Variants in PCDHA2 observed in about 807,000 individuals in gnomAD.
The protein encoded by PCDHA2 is protocadherin alpha 2.
In PCDHA2, 58 loss-of-function variants were observed where a neutral mutation model predicts 66.0. The ratio of observed to expected loss-of-function variants is 0.88; its 90% CI spans 0.71 to 1.09. PCDHA2 has a LOEUF of 1.09. Ranked by LOEUF, PCDHA2 falls within the 50% of genes least tolerant of loss-of-function variation. PCDHA2 has a pLI of 0.00. For missense variants in PCDHA2, 1,267 were observed against 1,242.3 expected, an observed-to-expected ratio of 1.02 and a Z score of -0.30; for synonymous variants, 634 against 554.0, an observed-to-expected ratio of 1.14 and a Z score of -2.03.
intron 1 of PCDHA2, among the ~76,000 whole-genome samples, chr5:140,914,442 CT>C (rs782585142): frequency 1.5e-4 from 23 of 152,072 alleles, no homozygotes; most frequent in Non-Finnish European, 2.9e-4. Context: ...TTTCCCATGT[CT>C]TTATTTTCCA....
Position 140,797,121 on chromosome 5 carries a change from T to TG in PCDHA2, c.2158dup (p.Ala720GlyfsTer56), listed in dbSNP as rs1554120298. 3.7e-6 allele frequency: 6 copies of TG among 1,614,020 alleles called. No individual in the cohort carries two copies. Among genetic ancestry groups the TG allele is most frequent in the Non-Finnish European group, 5.1e-6 (6 of 1,179,966 alleles). On this transcript the variant is annotated frameshift_variant, in exon 1 of 4. Transcript: ENST00000526136. LOFTEE classifies it high-confidence loss of function. ...TGGTGCTCACGGTGCTGCTGTACACTGCGCTGCGGTGCTCGGTGCCACCCA... is the reference window on the plus strand; with the variant it reads ...TGGTGCTCACGGTGCTGCTGTACACTGGCGCTGCGGTGCTCGGTGCCACCCA...
At chr5:140,981,128 G>A (rs1340714771) in intron 2 of PCDHA2, among the ~76,000 whole-genome samples, 1 of 152,214 alleles carries the variant, frequency 6.6e-6, no homozygotes, top group Non-Finnish European at 1.5e-5. Flanking sequence ...GTTGTTTGAA[G>A]TCAAAGAGTG....
At chr5:140,878,787 T>C (rs2057727241) in intron 1 of PCDHA2, among the ~76,000 whole-genome samples, 1 of 152,222 alleles carries the variant, frequency 6.6e-6, no homozygotes, top group Admixed American at 6.5e-5. Flanking sequence ...ATATGTTCAA[T>C]CACTTTTTAA....
At chr5:140,899,713 T>G (rs1336302647) in intron 1 of PCDHA2, among the ~76,000 whole-genome samples, 1 of 152,210 alleles carries the variant, frequency 6.6e-6, no homozygotes, top group Non-Finnish European at 1.5e-5. Context: ...TTAGGGAGGA[T>G]TCCCTCTTTT....
intron 1 of PCDHA2, chr5:140,929,115 C>T: frequency 6.2e-7 from 1 of 1,614,136 alleles, no homozygotes. Context: ...CATCAGCCAC[C>T]ATAGATGTCA....
intron 1 of PCDHA2, chr5:140,837,006 G>A (rs1774868844): frequency 3.1e-6 from 1 of 317,894 alleles, no homozygotes; most frequent in African/African-American, 2.2e-5. Context: ...TGGAGCAATG[G>A]ATTCACCTTT....
rs2150297287 is a variant in PCDHA2, at chr5:140,839,391, T to C, written c.2388+42039T>C. Among the ~76,000 whole-genome samples, 80 of 151,830 alleles carry C rather than the reference T, an allele frequency of 5.3e-4. 1 individual carries two copies. The highest frequency in any genetic ancestry group is 1.8e-3 in the African/African-American group (75 of 41,346). On this transcript the variant is annotated intron_variant, in intron 1 of 3. Transcript: ENST00000526136. ...TATTCATCAATTATTATGATGATGATGATGATTATTATTTTTGAGACAGGG... is the reference window on the plus strand; with the variant it reads ...TATTCATCAATTATTATGATGATGACGATGATTATTATTTTTGAGACAGGG...
Position 140,852,809 on chromosome 5 carries a change from C to T in PCDHA2, c.2388+55457C>T, listed in dbSNP as rs1429984533. 2.4e-5 allele frequency: 23 copies of T among 974,514 alleles called. 1 individual carries two copies. The highest frequency in any genetic ancestry group is 6.3e-5 in the Admixed American group (1 of 15,844). 60.4% of individuals were successfully genotyped at this position (974,514 alleles called of 1,614,324 possible). A position where few individuals can be genotyped will look rare whatever the true frequency, so the allele number is the denominator to read the frequency against. On this transcript the variant is annotated intron_variant, in intron 1 of 3. Transcript: ENST00000526136. Reference sequence around the variant, plus strand: ...GGATGCTACAGATGTCATTTGTCTCCCGCCCTAAGTCCTCCAGTCTCCTTA... The same window carrying T: ...GGATGCTACAGATGTCATTTGTCTCTCGCCCTAAGTCCTCCAGTCTCCTTA...
intron 1 of PCDHA2, among the ~76,000 whole-genome samples, chr5:140,832,070 T>G (rs1282000636): frequency 6.6e-6 from 1 of 152,252 alleles, no homozygotes; most frequent in Non-Finnish European, 1.5e-5. Context: ...TAATCTGAGA[T>G]GTCTCTAACA....
At chr5:140,832,058 T>C (rs1771820684) in intron 1 of PCDHA2, among the ~76,000 whole-genome samples, 1 of 152,234 alleles carries the variant, frequency 6.6e-6, no homozygotes, top group South Asian at 2.1e-4. Context: ...TAATTACCAA[T>C]TTAATCTGAG....
intron 1 of PCDHA2, among the ~76,000 whole-genome samples, chr5:140,821,232 A>G (rs182232562): frequency 1.5e-3 from 226 of 152,316 alleles, no homozygotes; most frequent in African/African-American, 5.1e-3. Context: ...TAGAGATGAG[A>G]AAAGTCAAAA....
intron 1 of PCDHA2, among the ~76,000 whole-genome samples, chr5:140,973,301 A>C (rs1469183006): frequency 1.3e-5 from 2 of 152,034 alleles, no homozygotes; most frequent in Admixed American, 6.6e-5. Context: ...CTATCTGATG[A>C]CTCTATCCTG....
chr5:140,801,356 G>T (rs201478898), intron 1 of PCDHA2: 2 of 1,613,398 alleles, frequency 1.2e-6, no homozygotes, highest in Admixed American at 1.7e-5. Flanking sequence ...AGGACCTGGG[G>T]CTGGAGCTGG....
intron 3 of PCDHA2, among the ~76,000 whole-genome samples, chr5:141,002,832 C>T (rs147080489): frequency 1.2e-4 from 18 of 152,242 alleles, no homozygotes; most frequent in Admixed American, 2.6e-4. Context: ...GTAAATGGCC[C>T]AGGACTATGC....
chr5:140,961,236 T>C (rs246004), intron 1 of PCDHA2, among the ~76,000 whole-genome samples: 47,773 of 152,034 alleles, frequency 0.31, 7,861 homozygotes, highest in East Asian at 0.53. Context: ...AAAAAGGTGA[T>C]GGAATTTATC....
At chr5:140,822,890 G>A (rs976466535) in intron 1 of PCDHA2, 1 of 1,614,218 alleles carries the variant, frequency 6.2e-7, no homozygotes, top group Non-Finnish European at 8.5e-7. Context: ...GCTCTGATCA[G>A]CGTGTCTGAC....
chr5:140,948,461 A>G (rs2094256529), intron 1 of PCDHA2, among the ~76,000 whole-genome samples: 1 of 151,516 alleles, frequency 6.6e-6, no homozygotes, highest in Admixed American at 6.6e-5. Flanking sequence ...TCTTTTAGGG[A>G]AAGTTTCTGA....
rs199785183 is a variant in PCDHA2 at position 140,850,432 on chromosome 5, G to T, written c.2388+53080G>T. On this transcript the variant is annotated intron_variant, in intron 1 of 3. Transcript: ENST00000526136. ...GACGAAACGGACGCACCGCGCCAGC[G>T]CCTACTGGTGCTGGTGAAAGACCAC... 1.6e-4 allele frequency: 251 copies of T among 1,597,712 alleles called. 21 individuals carry two copies. The highest frequency in any genetic ancestry group is 3.2e-4 in the Admixed American group (19 of 59,266).
intron 1 of PCDHA2, among the ~76,000 whole-genome samples, chr5:140,921,929 A>C (rs2080500807): frequency 6.6e-6 from 1 of 152,126 alleles, no homozygotes; most frequent in African/African-American, 2.4e-5. Flanking sequence ...CTTATAGTCA[A>C]TATAATTTTA....
Sources: allele counts gnomAD v4.1 joint callset (sites outside exome capture counted in the v4.1 genomes callset), GRCh38; gene constraint gnomAD v4.1.1; transcripts MANE v1.5; gene names NCBI Gene and HGNC (gene_info 2026-07-23, HGNC 2026-07-21).